Variants in ANO3 observed in about 807,000 individuals in gnomAD.
The protein encoded by ANO3 is anoctamin-3.
A neutral mutation model predicts 144.8 loss-of-function variants in ANO3; 99 were observed. That is an observed-to-expected ratio of 0.68 (90% confidence interval 0.58 to 0.81). The LOEUF (loss-of-function observed/expected upper bound fraction) is 0.81, where lower values mean the gene tolerates loss of function less well. Among genes scored for constraint, ANO3 ranks in the 30% least tolerant of loss-of-function variants. ANO3 has a pLI of 0.00. For missense variants in ANO3, 905 were observed against 1,202.2 expected, an observed-to-expected ratio of 0.75 and a Z score of 3.66; for synonymous variants, 414 against 392.6, an observed-to-expected ratio of 1.05 and a Z score of -0.64.
At chr11:26,237,773 G>C (rs1047366002) in intron 1 of ANO3, among the ~76,000 whole-genome samples, 2 of 151,974 alleles carry the variant, frequency 1.3e-5, no homozygotes, top group Non-Finnish European at 2.9e-5. Context: ...CAAATTGTAT[G>C]TATCAAAATT....
At chr11:26,333,652 C>T (rs773794734) in intron 1 of ANO3, among the ~76,000 whole-genome samples, 1 of 152,114 alleles carries the variant, frequency 6.6e-6, no homozygotes, top group African/African-American at 2.4e-5. Flanking sequence ...GGGATTCCTG[C>T]GTAAGACAGA....
chr11:26,543,235 G>A (rs1452472160), intron 11 of ANO3, among the ~76,000 whole-genome samples: 1 of 152,068 alleles, frequency 6.6e-6, no homozygotes, highest in Non-Finnish European at 1.5e-5. Flanking sequence ...CAAGAAAGAG[G>A]AAGCAAGGGT....
At chr11:26,421,135 A>C (rs1314602277) in intron 1 of ANO3, among the ~76,000 whole-genome samples, 1 of 151,994 alleles carries the variant, frequency 6.6e-6, no homozygotes, top group East Asian at 1.9e-4. Context: ...TTTTTTCCCT[A>C]TGATCAGGAG....
chr11:26,601,261 T>G (rs1217552576), intron 17 of ANO3, among the ~76,000 whole-genome samples: 1 of 152,220 alleles, frequency 6.6e-6, no homozygotes, highest in African/African-American at 2.4e-5. Flanking sequence ...CAAATGTGAT[T>G]GATACTCATG....
At chr11:26,597,200 A>G (rs998362815) in intron 14 of ANO3, among the ~76,000 whole-genome samples, 2 of 151,936 alleles carry the variant, frequency 1.3e-5, no homozygotes, top group African/African-American at 2.4e-5. Flanking sequence ...GTGGCAGGCC[A>G]CTCCCAAGAT....
At chr11:26,399,207 T>A (rs1233431152) in intron 1 of ANO3, among the ~76,000 whole-genome samples, 1 of 152,006 alleles carries the variant, frequency 6.6e-6, no homozygotes, top group Non-Finnish European at 1.5e-5. Flanking sequence ...ATTCTTTTTC[T>A]GTGATTTTTG....
At chr11:26,516,974 A>C (rs757635543) in intron 6 of ANO3, 47 bp downstream of exon 6, 2 of 1,192,528 alleles carry the variant, frequency 1.7e-6, no homozygotes, top group South Asian at 1.4e-5. Context: ...TATTAAAATG[A>C]GTCTATCTTT....
At chr11:26,213,270 G>GT (rs1851971288) in intron 1 of ANO3, among the ~76,000 whole-genome samples, 1 of 152,108 alleles carries the variant, frequency 6.6e-6, no homozygotes, top group Non-Finnish European at 1.5e-5. Context: ...AGTATTGGAA[G>GT]TTTTGGCCAG....
intron 5 of ANO3, chr11:26,508,582 G>T (rs1222596852): frequency 3.4e-6 from 1 of 294,102 alleles, no homozygotes. Flanking sequence ...AAAAGAATTT[G>T]CCAAACGATT....
At chr11:26,547,381 C>A in intron 11 of ANO3, 35 bp from the exon 12 acceptor site, 6 of 1,602,688 alleles carry the variant, frequency 3.7e-6, no homozygotes, top group Non-Finnish European at 5.1e-6. Flanking sequence ...CTTATGTTGC[C>A]TTAACTCAGT....
At chr11:26,417,868 A>C (rs974873673) in intron 1 of ANO3, among the ~76,000 whole-genome samples, 1 of 152,066 alleles carries the variant, frequency 6.6e-6, no homozygotes, top group African/African-American at 2.4e-5. Context: ...GTTAATAGGG[A>C]CAACATTATA....
rs576874604 is a variant in ANO3, at chr11:26,642,482, G to T, written c.2275+453G>T. Among the ~76,000 whole-genome samples the T allele has an allele frequency of 2.0e-3, 262 of 131,228 alleles. 1 individual carries two copies. The highest frequency in any genetic ancestry group is 6.4e-3 in the African/African-American group (248 of 38,802). The allele number at this position is 131,228 out of a possible 152,430, so 86.1% of individuals were successfully genotyped here. On this transcript the variant is annotated intron_variant, in intron 22 of 26. Coordinates refer to ENST00000256737, the MANE Select transcript of ANO3 (RefSeq NM_031418.4). The stretch of plus-strand genomic sequence containing the variant: ...TTCTCCTACCTCAGCCTCTCAAGTA[G>T]CTGGGATTACAGGTGCACATGACCA...
intron 17 of ANO3, among the ~76,000 whole-genome samples, chr11:26,608,180 T>C (rs1232064273): frequency 6.6e-6 from 1 of 151,868 alleles, no homozygotes; most frequent in Non-Finnish European, 1.5e-5. Context: ...TTTCTTTCAA[T>C]GGTCAGGTCT....
At chr11:26,502,313 A>G (rs7115512) in intron 4 of ANO3, among the ~76,000 whole-genome samples, 8,827 of 152,204 alleles carry the variant, frequency 0.058, 504 homozygotes, top group African/African-American at 0.15. Flanking sequence ...GCACTGTCTC[A>G]TTTAGCCATA....
At chr11:26,559,689 G>T in intron 13 of ANO3, 30 bp from the exon 14 acceptor site, 1 of 1,529,178 alleles carries the variant, frequency 6.5e-7, no homozygotes, top group Non-Finnish European at 9.1e-7. Flanking sequence ...CAATTTGCAT[G>T]ACTAATATTT....
chr11:26,373,332 T>G (rs1043567425), intron 1 of ANO3, among the ~76,000 whole-genome samples: 4 of 152,158 alleles, frequency 2.6e-5, no homozygotes, highest in African/African-American at 9.7e-5. Context: ...AAATGAGTTC[T>G]TATGAGATCT....
chr11:26,482,885 T>C (rs1006730995), intron 4 of ANO3, among the ~76,000 whole-genome samples: 12 of 152,196 alleles, frequency 7.9e-5, no homozygotes, highest in African/African-American at 2.7e-4. Context: ...CTTAAGAGAA[T>C]GGCCTCCAGT....
intron 4 of ANO3, among the ~76,000 whole-genome samples, chr11:26,496,974 G>GTATATACATATATA (rs1554962021): frequency 2.1e-4 from 28 of 136,512 alleles, no homozygotes; most frequent in African/African-American, 7.2e-4. Context: ...AATGTTGTGT[G>GTATATACATATATA]TATATATATA....
intron 1 of ANO3, among the ~76,000 whole-genome samples, chr11:26,282,603 T>C (rs1230647239): frequency 6.6e-6 from 1 of 152,158 alleles, no homozygotes; most frequent in African/African-American, 2.4e-5. Flanking sequence ...GTTGGAATTG[T>C]GTAGGCCATT....
Sources: gnomAD v4.1 joint callset for allele counts (sites outside exome capture counted in the v4.1 genomes callset) on GRCh38, gnomAD v4.1.1 for gene constraint, MANE v1.5 for transcripts, NCBI Gene and HGNC (gene_info 2026-07-23, HGNC 2026-07-21) for gene names.